The following PPP1R12A variants were observed in gnomAD, a reference collection of about 807,000 sequenced individuals.
PPP1R12A encodes protein phosphatase 1 regulatory subunit 12A.
A neutral mutation model predicts 139.6 loss-of-function variants in PPP1R12A; 19 were observed. That is an observed-to-expected ratio of 0.14 (90% CI 0.09 to 0.20). PPP1R12A has a LOEUF of 0.20. PPP1R12A is among the 10% of genes least tolerant of loss of function. The pLI, the probability that PPP1R12A is intolerant of heterozygous loss-of-function variation, is 1.00. For synonymous variants in PPP1R12A, 427 were observed against 420.6 expected (o/e 1.02, Z -0.19); for missense variants, 925 against 1,211.5 (o/e 0.76, Z 3.51).
chr12:79,833,562 C>T (rs944962593), intron 3 of PPP1R12A, among the ~76,000 whole-genome samples: 1 of 151,462 alleles, frequency 6.6e-6, no homozygotes, highest in Admixed American at 6.6e-5. Flanking sequence ...CGTTGGCTCA[C>T]ACTTGTAATT....
At chr12:79,817,313 T>C (rs1001769183) in intron 9 of PPP1R12A, 81 bp downstream of exon 9, 33 of 1,322,512 alleles carry the variant, frequency 2.5e-5, no homozygotes, top group Non-Finnish European at 3.1e-5. Flanking sequence ...ACTATAAAAA[T>C]TCAGAATTAC....
At chr12:79,860,528 C>A (rs79663310) in intron 2 of PPP1R12A, among the ~76,000 whole-genome samples, 1 of 152,050 alleles carries the variant, frequency 6.6e-6, no homozygotes, top group Non-Finnish European at 1.5e-5. Flanking sequence ...TGGAGAAATA[C>A]GTGTGTGATA....
chr12:79,782,516 C>A, intron 22 of PPP1R12A: 2 of 448,504 alleles, frequency 4.5e-6, no homozygotes, highest in Non-Finnish European at 8.9e-6. Flanking sequence ...TGATGAAATC[C>A]TGATATATAA....
chr12:79,829,451 G>C (rs987322584), intron 4 of PPP1R12A, among the ~76,000 whole-genome samples: 1 of 151,932 alleles, frequency 6.6e-6, no homozygotes. Flanking sequence ...TCCTGCCTCC[G>C]TAACGGAACC....
At chr12:79,821,283 G>A in intron 6 of PPP1R12A, 117 bp from the exon 7 acceptor site, 4 of 655,738 alleles carry the variant, frequency 6.1e-6, no homozygotes, top group Non-Finnish European at 7.6e-6. Flanking sequence ...ACAAAACAAA[G>A]AAATAAATAA....
At chr12:79,886,260 T>C (rs1247386233) in intron 1 of PPP1R12A, among the ~76,000 whole-genome samples, 12 of 152,182 alleles carry the variant, frequency 7.9e-5, no homozygotes, top group Non-Finnish European at 1.5e-4. Context: ...AGTACTCCTA[T>C]ACTAAATAAT....
At chr12:79,876,183 CT>C (rs911023546) in intron 1 of PPP1R12A, among the ~76,000 whole-genome samples, 1 of 152,224 alleles carries the variant, frequency 6.6e-6, no homozygotes, top group African/African-American at 2.4e-5. Context: ...TTACAACCCC[CT>C]CCCTACCATT....
intron 22 of PPP1R12A, among the ~76,000 whole-genome samples, chr12:79,784,680 A>C (rs1870891502): frequency 6.6e-6 from 1 of 152,136 alleles, no homozygotes; most frequent in Admixed American, 6.6e-5. Flanking sequence ...TCTGTCACCC[A>C]GGCTGGAGTT....
At chr12:79,903,746 T>C (rs1443376820) in intron 1 of PPP1R12A, among the ~76,000 whole-genome samples, 1 of 152,150 alleles carries the variant, frequency 6.6e-6, no homozygotes, top group Non-Finnish European at 1.5e-5. Flanking sequence ...ATTTTGCTTA[T>C]TACAATTAAT....
chr12:79,865,457 A>C (rs1009558922), intron 2 of PPP1R12A, among the ~76,000 whole-genome samples: 2 of 152,232 alleles, frequency 1.3e-5, no homozygotes, highest in African/African-American at 4.8e-5. Context: ...TAGTATTGGA[A>C]GTTCTGGCCA....
At chr12:79,780,415 G>A (rs1393127487) in intron 23 of PPP1R12A, 1 of 151,968 alleles carries the variant, frequency 6.6e-6, no homozygotes, top group African/African-American at 2.4e-5. Context: ...AAGGAGGTTA[G>A]GTGAGCTTGT....
At position 79,872,822 on chromosome 12, in the gene PPP1R12A, A is replaced by G. The variant is rs956289815; in HGVS notation, c.354T>C (p.Tyr118=). The change falls in exon 2 of 25, where the codon TAT becomes TAC. Residue 118 remains tyrosine, a synonymous_variant. Coordinates refer to ENST00000450142, the MANE Select transcript of PPP1R12A (RefSeq NM_002480.3). ...AACTGGCTTACTCTGCAATATCAAG[A>G]TATCCACAGGAAGCTGCTGCATGTA... ...IPLHAAASCG[Y]LDIAEFLIGQ... The G allele has an allele frequency of 2.5e-6, 4 of 1,613,450 alleles. No homozygotes were observed. The African/African-American group carries it at 4.0e-5, about 16-fold the overall frequency.
At chr12:79,880,696 A>G (rs144434771) in intron 1 of PPP1R12A, among the ~76,000 whole-genome samples, 1 of 152,316 alleles carries the variant, frequency 6.6e-6, no homozygotes, top group East Asian at 1.9e-4. Flanking sequence ...AAGGTCACAG[A>G]AGCAATAAGA....
chr12:79,856,983 A>G (rs1260682999), intron 2 of PPP1R12A, among the ~76,000 whole-genome samples: 2 of 152,220 alleles, frequency 1.3e-5, no homozygotes, highest in Non-Finnish European at 2.9e-5. Context: ...TTTATCATAT[A>G]TTATTTCTCA....
intron 2 of PPP1R12A, among the ~76,000 whole-genome samples, chr12:79,846,667 G>C (rs1297413641): frequency 6.7e-6 from 1 of 148,386 alleles, no homozygotes; most frequent in Non-Finnish European, 1.5e-5. Flanking sequence ...CTGACCTCGT[G>C]ATCCGCCTGC....
At chr12:79,788,177 C>A (rs1435257985) in intron 21 of PPP1R12A, 1 of 152,530 alleles carries the variant, frequency 6.6e-6, no homozygotes, top group Non-Finnish European at 1.5e-5. Flanking sequence ...CCTTCTCCAA[C>A]AGACTTTATG....
chr12:79,935,251 C>A, upstream of PPP1R12A: 1 of 1,148,892 alleles, frequency 8.7e-7, no homozygotes, highest in Non-Finnish European at 1.1e-6. Flanking sequence ...CGCCCTGGGC[C>A]TGTGCCCGCC....
At chr12:79,852,788 C>G (rs1345754312) in intron 2 of PPP1R12A, among the ~76,000 whole-genome samples, 1 of 152,180 alleles carries the variant, frequency 6.6e-6, no homozygotes, top group East Asian at 1.9e-4. Flanking sequence ...CATGTAGCCT[C>G]TACTAATACC....
chr12:79,841,068 A>AAG (rs943798768), intron 3 of PPP1R12A, among the ~76,000 whole-genome samples: 154 of 150,182 alleles, frequency 1.0e-3, no homozygotes, highest in East Asian at 9.7e-3. Flanking sequence ...AAAAAAAAAA[A>AAG]AGAGAGAGAG....
Sources: gnomAD v4.1 joint callset for allele counts (sites outside exome capture counted in the v4.1 genomes callset) on GRCh38, gnomAD v4.1.1 for gene constraint, MANE v1.5 for transcripts, NCBI Gene and HGNC (gene_info 2026-07-23, HGNC 2026-07-21) for gene names.